The following TUB variants were observed in gnomAD, a reference collection of about 807,000 sequenced individuals.
TUB encodes TUB bipartite transcription factor, also known as tubby protein homolog.
TUB carries 33 observed loss-of-function variants against 59.7 expected under a neutral mutation model. The observed-to-expected ratio is 0.55, with a 90% CI of 0.42 to 0.74. The LOEUF (loss-of-function observed/expected upper bound fraction) is 0.74, where lower values mean the gene tolerates loss of function less well. Ranked by LOEUF, TUB falls within the 30% of genes least tolerant of loss-of-function variation. The pLI, the probability that TUB is intolerant of heterozygous loss-of-function variation, is 0.00. For missense variants in TUB, 659 were observed against 672.0 expected (o/e 0.98, Z 0.21); for synonymous variants, 293 against 256.4 (o/e 1.14, Z -1.36).
chr11:8,022,163 A>G (rs766714114), intron 1 of TUB, among the ~76,000 whole-genome samples: 1 of 151,894 alleles, frequency 6.6e-6, no homozygotes, highest in Non-Finnish European at 1.5e-5. Context: ...TGGTTTGTCT[A>G]CTCTCCAAAA....
rs142753901 is a variant in TUB at position 8,044,212 on chromosome 11, G to C, written c.203+4520G>C. On this transcript the variant is annotated intron_variant, in intron 2 of 12. Transcript: ENST00000305253. Reference sequence around the variant, plus strand: ...TGAAACTCCAACTATGTGTATGTTAGCTTGCTTAATATTGTTCCAGAGTTT... The same window carrying C: ...TGAAACTCCAACTATGTGTATGTTACCTTGCTTAATATTGTTCCAGAGTTT... Among the ~76,000 whole-genome samples the C allele has an allele frequency of 1.4e-3, 207 of 152,150 alleles. 3 individuals are homozygous for C. Among genetic ancestry groups the C allele is most frequent in the African/African-American group, 4.9e-3 (202 of 41,526 alleles).
chr11:8,052,269 A>C (rs1228545714), intron 2 of TUB, among the ~76,000 whole-genome samples: 1 of 152,222 alleles, frequency 6.6e-6, no homozygotes, highest in Non-Finnish European at 1.5e-5. Flanking sequence ...ACACCTGTCA[A>C]TTTATTTGAC....
chr11:8,042,758 T>C (rs889490053), intron 2 of TUB, among the ~76,000 whole-genome samples: 8 of 152,240 alleles, frequency 5.3e-5, no homozygotes, highest in African/African-American at 1.9e-4. Context: ...AAATGTCTAT[T>C]CATATCTCTT....
At chr11:8,023,555 A>G (rs1009355370) in intron 1 of TUB, among the ~76,000 whole-genome samples, 6 of 152,272 alleles carry the variant, frequency 3.9e-5, no homozygotes, top group Admixed American at 6.5e-5. Context: ...CTTTTTGCCA[A>G]GACTTAGTCC....
intron 2 of TUB, among the ~76,000 whole-genome samples, chr11:8,066,537 C>G (rs908141641): frequency 2.0e-5 from 3 of 152,184 alleles, no homozygotes; most frequent in Non-Finnish European, 4.4e-5. Flanking sequence ...TACAGAGGGT[C>G]CAGACAACCT....
chr11:8,031,564 G>A (rs545141243), intron 1 of TUB, among the ~76,000 whole-genome samples: 27 of 152,216 alleles, frequency 1.8e-4, no homozygotes, highest in Admixed American at 5.2e-4. Context: ...TTGAGAGCGG[G>A]GACCTCGGTC....
At chr11:8,047,235 T>G (rs1233845806) in intron 2 of TUB, among the ~76,000 whole-genome samples, 1 of 152,214 alleles carries the variant, frequency 6.6e-6, no homozygotes, top group Non-Finnish European at 1.5e-5. Context: ...TGCTCTTCCC[T>G]GTCTTCACCT....
Position 8,096,806 on chromosome 11 carries a change from G to GGTGA in TUB, c.687+11_687+14dup, listed in dbSNP as rs755592999. On this transcript the variant is annotated frameshift_variant and splice_region_variant. Coordinates refer to ENST00000299506, the MANE Select transcript of TUB (RefSeq NM_177972.3). LOFTEE classifies it high-confidence loss of function. ...CTGCTACTAGCAGGAAGTCCGTCAG[G>GGTGA]GTGAGTGAGTGAGTCTGCATCCACA... 17 of 1,614,024 alleles carry GGTGA rather than the reference G, an allele frequency of 1.1e-5. No individual in the cohort carries two copies. Among genetic ancestry groups the GGTGA allele is most frequent in the Non-Finnish European group, 1.4e-5 (17 of 1,180,012 alleles).
intron 1 of TUB, among the ~76,000 whole-genome samples, chr11:8,020,883 T>C (rs1564893618): frequency 6.6e-6 from 1 of 152,114 alleles, no homozygotes; most frequent in Non-Finnish European, 1.5e-5. Flanking sequence ...GCGAACTATA[T>C]CCTGGGCCCT....
intron 1 of TUB, chr11:8,019,424 G>A: frequency 6.5e-6 from 8 of 1,222,430 alleles, no homozygotes; most frequent in Non-Finnish European, 8.2e-6. Context: ...CGGGAGAAGC[G>A]GGCCTCCGGG....
intron 2 of TUB, among the ~76,000 whole-genome samples, chr11:8,071,967 C>T (rs1212186281): frequency 1.3e-5 from 2 of 152,234 alleles, no homozygotes; most frequent in African/African-American, 2.4e-5. Context: ...AATCCCAGGG[C>T]CTCGTCCTGC....
intron 2 of TUB, among the ~76,000 whole-genome samples, chr11:8,040,871 C>T (rs1239900097): frequency 6.6e-6 from 1 of 152,190 alleles, no homozygotes; most frequent in Non-Finnish European, 1.5e-5. Flanking sequence ...ACTGTCAAGG[C>T]TGCAAGAAAT....
chr11:8,099,451 C>A (rs1944157394), intron 9 of TUB, among the ~76,000 whole-genome samples: 1 of 152,154 alleles, frequency 6.6e-6, no homozygotes. Flanking sequence ...TGGAGGCCAT[C>A]AGTAAGTAAT....
chr11:8,059,360 A>G (rs1943078677), intron 2 of TUB, among the ~76,000 whole-genome samples: 1 of 152,226 alleles, frequency 6.6e-6, no homozygotes, highest in Non-Finnish European at 1.5e-5. Context: ...CAAAAAAAGA[A>G]GAAATTGCCC....
chr11:8,086,396 C>G (rs866890063), intron 1 of TUB, among the ~76,000 whole-genome samples: 2 of 152,082 alleles, frequency 1.3e-5, no homozygotes, highest in African/African-American at 2.4e-5. Context: ...GAGAAGGGAA[C>G]TGGGCCTATT....
upstream of TUB, chr11:8,077,116 A>G (rs1196170247): frequency 6.6e-6 from 1 of 152,162 alleles, no homozygotes; most frequent in Non-Finnish European, 1.5e-5. Context: ...GACTTTACTC[A>G]TAGCTGTCTA....
At chr11:8,056,715 G>A (rs1259118365) in intron 2 of TUB, among the ~76,000 whole-genome samples, 2 of 152,094 alleles carry the variant, frequency 1.3e-5, no homozygotes, top group East Asian at 1.9e-4. Context: ...GAGGTGATGT[G>A]TGGGAGGCAG....
rs761443997 is a variant in TUB, at chr11:8,096,725, T to TGAGGAGGAG, written c.607_615dup (p.Glu203_Glu205dup). ...TGAGCTTTGACGAGGATGAGGAGGA[T>TGAGGAGGAG]GAGGAGGAGAATAGCTCCAGCTCCT... On this transcript the variant is annotated inframe_insertion, in exon 6 of 12. Transcript: ENST00000299506. The TGAGGAGGAG allele has an allele frequency of 2.5e-6, 4 of 1,613,868 alleles. No individual in the cohort carries two copies. Among genetic ancestry groups the TGAGGAGGAG allele is most frequent in the Non-Finnish European group, 3.4e-6 (4 of 1,179,828 alleles).
intron 2 of TUB, among the ~76,000 whole-genome samples, chr11:8,060,758 G>A (rs1176224147): frequency 2.0e-4 from 31 of 152,194 alleles, no homozygotes. Flanking sequence ...GATAACTACT[G>A]GGCCAGAGGA....
Sources: gnomAD v4.1 joint callset for allele counts (sites outside exome capture counted in the v4.1 genomes callset) on GRCh38, gnomAD v4.1.1 for gene constraint, MANE v1.5 for transcripts, NCBI Gene and HGNC (gene_info 2026-07-23, HGNC 2026-07-21) for gene names.